The following FAM120C variants were observed in gnomAD, a reference collection of about 807,000 sequenced individuals.
FAM120C encodes the protein family with sequence similarity 120 member C.
Under a neutral mutation model 71.2 loss-of-function variants are expected in FAM120C, and 14 were observed. That is an observed-to-expected ratio of 0.20 (90% CI 0.13 to 0.31). The LOEUF is 0.31. FAM120C is among the 10% of genes least tolerant of loss of function. FAM120C has a pLI of 1.00. For synonymous variants in FAM120C, 354 were observed against 353.2 expected, an observed-to-expected ratio of 1.00 and a Z score of -0.03; for missense variants, 500 against 879.0, an observed-to-expected ratio of 0.57 and a Z score of 5.45.
Position 54,182,514 on chromosome X carries a change from G to A in FAM120C, c.685C>T (p.Arg229Cys), listed in dbSNP as rs2146658852. Residue 229 changes from arginine to cysteine, a missense_variant, in exon 1 of 16, where the codon CGC becomes TGC. Around this residue, in one of 11 missense-constraint regions of FAM120C, gnomAD observed 45 missense variants for 140.2 expected, o/e 0.32. Coordinates refer to ENST00000375180, the MANE Select transcript of FAM120C (RefSeq NM_017848.6). ...CCCTCCCTCACCTTGACCCGGAAGCGGATGAGTGCTAGCCTCACGCAGTGG... is the reference window on the plus strand; with the variant it reads ...CCCTCCCTCACCTTGACCCGGAAGCAGATGAGTGCTAGCCTCACGCAGTGG... ...LSHCVRLALI[R>C]FRVKVFQSLE... 1 of 1,207,918 alleles carries A rather than the reference G, an allele frequency of 8.3e-7. No individual in the cohort carries two copies. The highest frequency in any genetic ancestry group is 1.1e-6 in the Non-Finnish European group (1 of 893,490).
intron 4 of FAM120C, among the ~76,000 whole-genome samples, chrX:54,142,811 C>T (rs1201219809): frequency 4.5e-5 from 5 of 112,139 alleles, no homozygotes; most frequent in Admixed American, 9.5e-5. Context: ...CCCTGAACCC[C>T]GAGTAGCCTA....
At chrX:54,095,319 G>A (rs2066845087) in intron 10 of FAM120C, among the ~76,000 whole-genome samples, 2 of 105,037 alleles carry the variant, frequency 1.9e-5, no homozygotes, top group Non-Finnish European at 3.9e-5. Context: ...TTTTAAATGT[G>A]CTTTAATACT....
chrX:54,129,984 C>T (rs1207495861), intron 9 of FAM120C, among the ~76,000 whole-genome samples: 3 of 105,744 alleles, frequency 2.8e-5, no homozygotes, highest in African/African-American at 6.9e-5. Flanking sequence ...AGTCCAGCTT[C>T]GGCTCGGCAT....
chrX:54,073,165 T>G lies in FAM120C; in HGVS notation c.3159A>C (p.Pro1053=). 8.3e-7 allele frequency: 1 copy of G among 1,211,679 alleles called. No individual in the cohort carries two copies. Among genetic ancestry groups the G allele is most frequent in the Non-Finnish European group, 1.1e-6 (1 of 895,569 alleles). The change falls in exon 16 of 16, where the codon CCA becomes CCC. Residue 1053 remains proline (P), a synonymous_variant. Coordinates refer to ENST00000375180, the MANE Select transcript of FAM120C (RefSeq NM_017848.6). The part of the protein sequence containing the change: ...EEKSDHRLPA[P]SQCALSRDSN... The stretch of plus-strand genomic sequence containing the variant: ...TGTCTCTGGATAAGGCACATTGTGA[T>G]GGAGCTGGAAGACGATGATCACTCT...
intron 13 of FAM120C, among the ~76,000 whole-genome samples, chrX:54,082,399 C>A (rs1261942527): frequency 9.1e-6 from 1 of 110,031 alleles, no homozygotes; most frequent in East Asian, 2.9e-4. Flanking sequence ...AAATTACAAG[C>A]CTAAACTACT....
chrX:54,134,254 G>A (rs1853685813), intron 7 of FAM120C, among the ~76,000 whole-genome samples: 1 of 111,501 alleles, frequency 9.0e-6, no homozygotes, highest in South Asian at 3.8e-4. Flanking sequence ...GTGATCAAAA[G>A]TCATGGGAAT....
In FAM120C at chrX:54,099,797, G is replaced by A. The variant is rs782407397; in HGVS notation, c.2313-8371C>T. The stretch of plus-strand genomic sequence containing the variant: ...ACCACAAATAGCAGAGTTTATTTCT[G>A]GACACTCGAATGTAACTACATTAAT... On this transcript the variant is annotated intron_variant, in intron 10 of 15. Coordinates refer to ENST00000375180, the MANE Select transcript of FAM120C (RefSeq NM_017848.6). Among the ~76,000 whole-genome samples, 20 of 111,895 alleles carry A rather than the reference G, an allele frequency of 1.8e-4. No homozygotes were observed. In the East Asian group the frequency reaches 5.6e-3, roughly 31 times the overall value.
intron 1 of FAM120C, among the ~76,000 whole-genome samples, chrX:54,164,019 G>A (rs949038735): frequency 3.7e-5 from 4 of 108,050 alleles, no homozygotes; most frequent in East Asian, 2.9e-4. Flanking sequence ...CGCAACCTTC[G>A]CCTCCCAGGT....
At chrX:54,099,984 G>GTT (rs2066873931) in intron 10 of FAM120C, among the ~76,000 whole-genome samples, 1 of 111,567 alleles carries the variant, frequency 9.0e-6, no homozygotes, top group African/African-American at 3.3e-5. Context: ...CTGACAGTGG[G>GTT]TTATATATAA....
At chrX:54,085,982 A>G in intron 12 of FAM120C, 66 bp from the exon 13 acceptor site, 1 of 950,998 alleles carries the variant, frequency 1.1e-6, no homozygotes, top group Non-Finnish European at 1.5e-6. Context: ...TTTTAGGCCC[A>G]GGATGGAGCA....
At chrX:54,090,233 G>C (rs1313366958) in intron 11 of FAM120C, among the ~76,000 whole-genome samples, 8 of 7,888 alleles carry the variant, frequency 1.0e-3, no homozygotes, top group African/African-American at 3.8e-3. Flanking sequence ...CCAGCACCTT[G>C]CCCTTCTTTT....
intron 9 of FAM120C, among the ~76,000 whole-genome samples, chrX:54,118,699 C>CTTTTTTTTTTTT (rs1187381929): frequency 4.7e-4 from 15 of 31,717 alleles, no homozygotes; most frequent in Non-Finnish European, 6.0e-4. Context: ...TTCTTTTTTT[C>CTTTTTTTTTTTT]TTTTTTTTTT....
At chrX:54,130,706 G>A (rs1216574707) in intron 9 of FAM120C, among the ~76,000 whole-genome samples, 3 of 111,352 alleles carry the variant, frequency 2.7e-5, no homozygotes, top group Non-Finnish European at 3.8e-5. Flanking sequence ...TGGAAGTCTA[G>A]GTTCTTCATT....
chrX:54,134,741 C>T lies in FAM120C; in HGVS notation c.1616+90G>A, dbSNP rs139427446. On this transcript the variant is annotated intron_variant, in intron 7 of 15. Coordinates refer to ENST00000375180, the MANE Select transcript of FAM120C (RefSeq NM_017848.6). Reference sequence around the variant, plus strand: ...ACACTACAGAGGAAACCCAGGAATACACTTTCCCACACCCTCCACCCATCT... The same window carrying T: ...ACACTACAGAGGAAACCCAGGAATATACTTTCCCACACCCTCCACCCATCT... 3.8e-5 allele frequency: 36 copies of T among 955,375 alleles called. 1 individual carries two copies. The East Asian group carries it at 1.1e-3, about 29-fold the overall frequency. The allele number at this position is 955,375 out of a possible 1,213,427, so 78.7% of individuals were successfully genotyped here. A position where few individuals can be genotyped will look rare whatever the true frequency, so the allele number is the denominator to read the frequency against.
At chrX:54,110,611 T>C (rs946408854) in intron 10 of FAM120C, among the ~76,000 whole-genome samples, 1 of 111,273 alleles carries the variant, frequency 9.0e-6, no homozygotes, top group Admixed American at 9.7e-5. Flanking sequence ...AATAAAAAGT[T>C]GGCAAAAATT....
intron 4 of FAM120C, among the ~76,000 whole-genome samples, chrX:54,146,400 G>T (rs1329570330): frequency 8.9e-6 from 1 of 112,011 alleles, no homozygotes; most frequent in Non-Finnish European, 1.9e-5. Flanking sequence ...ATATAAGTTG[G>T]CTGGGTGCAG....
intron 1 of FAM120C, among the ~76,000 whole-genome samples, chrX:54,162,035 A>T (rs1557134499): frequency 1.8e-5 from 2 of 112,555 alleles, no homozygotes; most frequent in African/African-American, 6.5e-5. Context: ...TAATCCAATT[A>T]TTCATTTTAT....
At chrX:54,164,177 C>T (rs2067248707) in intron 1 of FAM120C, among the ~76,000 whole-genome samples, 4 of 111,387 alleles carry the variant, frequency 3.6e-5, no homozygotes, top group Non-Finnish European at 7.5e-5. Context: ...GGTGATCCAC[C>T]CGCCTCAGCC....
At chrX:54,094,083 C>CTTTTTTT (rs35721972) in intron 10 of FAM120C, among the ~76,000 whole-genome samples, 5 of 61,456 alleles carry the variant, frequency 8.1e-5, no homozygotes, top group Non-Finnish European at 1.1e-4. Flanking sequence ...TCCACGACTC[C>CTTTTTTT]TTTTTTTTTT....
Sources: gnomAD v4.1 joint callset for allele counts (sites outside exome capture counted in the v4.1 genomes callset) on GRCh38, gnomAD v4.1.1 for gene constraint, gnomAD v4.1.1 regional missense constraint, MANE v1.5 for transcripts, NCBI Gene and HGNC (gene_info 2026-07-23, HGNC 2026-07-21) for gene names.